The following MEIS2 variants were observed in gnomAD, a reference collection of about 807,000 sequenced individuals.
MEIS2 encodes the protein Meis homeobox 2, also known as homeobox protein Meis2.
In MEIS2, 9 loss-of-function variants were observed where a neutral mutation model predicts 58.6. The ratio of observed to expected loss-of-function variants is 0.15; its 90% CI spans 0.09 to 0.27. The LOEUF is 0.27. MEIS2 is among the 10% of genes least tolerant of loss of function. The pLI is 1.00. For missense variants in MEIS2, 427 were observed against 635.0 expected, an observed-to-expected ratio of 0.67 and a Z score of 3.52; for synonymous variants, 221 against 228.4, an observed-to-expected ratio of 0.97 and a Z score of 0.29.
At chr15:37,009,259 A>C (rs2061040857) in intron 8 of MEIS2, among the ~76,000 whole-genome samples, 1 of 152,210 alleles carries the variant, frequency 6.6e-6, no homozygotes, top group Admixed American at 6.5e-5. Context: ...ACTGCACTCC[A>C]GCCTGGGCGA....
intron 7 of MEIS2, among the ~76,000 whole-genome samples, chr15:37,061,262 T>C (rs1889176912): frequency 6.6e-6 from 1 of 152,142 alleles, no homozygotes; most frequent in Non-Finnish European, 1.5e-5. Context: ...AGATGGGGAT[T>C]AAAGGGATTG....
At chr15:37,005,675 G>C (rs1040027628) in intron 8 of MEIS2, among the ~76,000 whole-genome samples, 5 of 152,126 alleles carry the variant, frequency 3.3e-5, no homozygotes, top group Non-Finnish European at 7.3e-5. Context: ...CCGCCTCTCA[G>C]CCTCCCAAGT....
intron 9 of MEIS2, among the ~76,000 whole-genome samples, chr15:36,921,956 G>C (rs1381042603): frequency 6.6e-6 from 1 of 152,194 alleles, no homozygotes; most frequent in Non-Finnish European, 1.5e-5. Context: ...GACATGATGA[G>C]ATATTCCCAG....
intron 8 of MEIS2, among the ~76,000 whole-genome samples, chr15:36,960,054 T>G (rs984535986): frequency 2.0e-5 from 3 of 152,096 alleles, no homozygotes; most frequent in South Asian, 2.1e-4. Context: ...GGGCAAATAT[T>G]AAGGAATTAT....
chr15:37,064,997 T>C (rs537502540), intron 7 of MEIS2, among the ~76,000 whole-genome samples: 1 of 152,304 alleles, frequency 6.6e-6, no homozygotes, highest in Non-Finnish European at 1.5e-5. Flanking sequence ...CATAGGATAC[T>C]ACGTGATTTT....
intron 7 of MEIS2, among the ~76,000 whole-genome samples, chr15:37,064,827 A>G (rs1339216291): frequency 6.6e-6 from 1 of 152,228 alleles, no homozygotes; most frequent in Non-Finnish European, 1.5e-5. Flanking sequence ...TCCAGTGAGT[A>G]AAAATCAACA....
chr15:37,062,845 A>G (rs1173206721), intron 7 of MEIS2, among the ~76,000 whole-genome samples: 1 of 152,340 alleles, frequency 6.6e-6, no homozygotes, highest in East Asian at 1.9e-4. Context: ...CATCCTGTTC[A>G]TCAAGATCAG....
At chr15:37,076,934 G>A (rs1247165439) in intron 7 of MEIS2, among the ~76,000 whole-genome samples, 1 of 151,854 alleles carries the variant, frequency 6.6e-6, no homozygotes, top group African/African-American at 2.4e-5. Flanking sequence ...TCCTCACAAT[G>A]TCTGGTTTGT....
At chr15:37,016,665 GAAC>G (rs2061360467) in intron 8 of MEIS2, among the ~76,000 whole-genome samples, 2 of 152,204 alleles carry the variant, frequency 1.3e-5, no homozygotes, top group African/African-American at 4.8e-5. Flanking sequence ...CATATAATAG[GAAC>G]TTTTGCCTTT....
intron 1 of MEIS2, chr15:37,099,193 C>A: frequency 7.1e-7 from 1 of 1,409,570 alleles, no homozygotes. Flanking sequence ...ACACCACTCA[C>A]ACGCACTCGC....
At chr15:37,012,214 G>C (rs2061187229) in intron 8 of MEIS2, among the ~76,000 whole-genome samples, 1 of 152,110 alleles carries the variant, frequency 6.6e-6, no homozygotes, top group Admixed American at 6.6e-5. Flanking sequence ...TCCAATAAAA[G>C]GAACATTGAT....
intron 9 of MEIS2, among the ~76,000 whole-genome samples, chr15:36,935,968 T>C (rs2058153816): frequency 6.6e-6 from 1 of 152,162 alleles, no homozygotes; most frequent in Non-Finnish European, 1.5e-5. Context: ...CCCCATTACC[T>C]GCAAATAAAG....
At chr15:37,033,149 T>C (rs541529521) in intron 8 of MEIS2, among the ~76,000 whole-genome samples, 1 of 152,172 alleles carries the variant, frequency 6.6e-6, no homozygotes, top group Non-Finnish European at 1.5e-5. Context: ...TTTTTCCACC[T>C]CTGGGCCTTT....
In MEIS2 at chr15:36,942,763, G is replaced by GA. The variant is rs566407098; in HGVS notation, c.977+7560dup. ...ATACTGTGGGTAATGGAAGAAATGA[G>GA]AAAAAAAAATTACTGGTAAAGGCAC... On this transcript the variant is annotated intron_variant, in intron 9 of 11. Coordinates refer to ENST00000561208, the MANE Select transcript of MEIS2 (RefSeq NM_170675.5). Among the ~76,000 whole-genome samples, 38 of 151,118 alleles carry GA rather than the reference G, an allele frequency of 2.5e-4. 1 individual carries two copies. The East Asian group carries it at 5.8e-3, about 23-fold the overall frequency.
At chr15:36,928,372 A>T (rs1389869690) in intron 9 of MEIS2, among the ~76,000 whole-genome samples, 2 of 152,218 alleles carry the variant, frequency 1.3e-5, no homozygotes, top group Non-Finnish European at 2.9e-5. Flanking sequence ...ACTGTCATAC[A>T]GTTCTCACAG....
intron 6 of MEIS2, 130 bp downstream of exon 6, chr15:37,093,451 A>G (rs1327697417): frequency 1.7e-6 from 2 of 1,149,322 alleles, no homozygotes; most frequent in South Asian, 1.7e-5. Context: ...AAGAAAGAGA[A>G]GAAAAGACCC....
intron 9 of MEIS2, among the ~76,000 whole-genome samples, chr15:36,909,876 G>A (rs1355944299): frequency 6.6e-6 from 1 of 151,416 alleles, no homozygotes. Flanking sequence ...GGTGTTAGGA[G>A]AGAGGGATAG....
intron 8 of MEIS2, among the ~76,000 whole-genome samples, chr15:36,956,637 T>G (rs1224076912): frequency 1.3e-5 from 2 of 152,164 alleles, no homozygotes; most frequent in Non-Finnish European, 2.9e-5. Flanking sequence ...CTAATGGCTA[T>G]TATTGTCACT....
intron 8 of MEIS2, among the ~76,000 whole-genome samples, chr15:37,000,474 T>C (rs2060681847): frequency 6.6e-6 from 1 of 152,152 alleles, no homozygotes; most frequent in Admixed American, 6.6e-5. Flanking sequence ...GCTTTTCATG[T>C]TTCCCAAGGA....
Sources: gnomAD v4.1 joint callset for allele counts (sites outside exome capture counted in the v4.1 genomes callset) on GRCh38, gnomAD v4.1.1 for gene constraint, MANE v1.5 for transcripts, NCBI Gene and HGNC (gene_info 2026-07-23, HGNC 2026-07-21) for gene names.